CALD1: variants seen among roughly 807,000 people sequenced by gnomAD.
The protein encoded by CALD1 is caldesmon.
In CALD1, 33 loss-of-function variants were observed where a neutral mutation model predicts 99.9. The observed-to-expected ratio is 0.33, with a 90% CI of 0.25 to 0.44. The LOEUF is 0.44. Among genes scored for constraint, CALD1 ranks in the 20% least tolerant of loss-of-function variants. The probability of loss-of-function intolerance (pLI) is 1.00; values close to 1 mark genes in which losing one functional copy is unlikely to be tolerated. For missense variants in CALD1, 861 were observed against 962.1 expected (o/e 0.89, Z 1.39); for synonymous variants, 310 against 325.0 (o/e 0.95, Z 0.50).
At chr7:134,843,134 C>A (rs1411301456) in intron 1 of CALD1, among the ~76,000 whole-genome samples, 1 of 152,186 alleles carries the variant, frequency 6.6e-6, no homozygotes, top group Non-Finnish European at 1.5e-5. Flanking sequence ...TTCCTTACTA[C>A]CTCCGGTCTA....
At chr7:134,815,902 A>G (rs569585614) in intron 1 of CALD1, among the ~76,000 whole-genome samples, 2 of 152,294 alleles carry the variant, frequency 1.3e-5, no homozygotes, top group South Asian at 4.1e-4. Context: ...CTATCCTCGA[A>G]CTGGCATATA....
intron 3 of CALD1, among the ~76,000 whole-genome samples, chr7:134,876,385 A>G (rs768893818): frequency 3.3e-5 from 5 of 152,244 alleles, no homozygotes; most frequent in Non-Finnish European, 2.9e-5. Context: ...AAAAAAGTCT[A>G]TGGCTATTGA....
At chr7:134,727,655 C>T in the CALD1 span, among the ~76,000 whole-genome samples, 5 of 152,288 alleles carry the variant, frequency 3.3e-5, no homozygotes, top group African/African-American at 7.2e-5. Flanking sequence ...TAAAGCAGAG[C>T]GGACTTCCTT....
chr7:134,775,141 A>T (rs1220617599), upstream of CALD1, among the ~76,000 whole-genome samples: 1 of 152,150 alleles, frequency 6.6e-6, no homozygotes, highest in African/African-American at 2.4e-5. Context: ...GCTTCCACAA[A>T]ATTGATTGTA....
At chr7:134,834,003 T>C (rs1209234407) in intron 1 of CALD1, among the ~76,000 whole-genome samples, 2 of 152,228 alleles carry the variant, frequency 1.3e-5, no homozygotes, top group East Asian at 1.9e-4. Flanking sequence ...TAGAATCCAG[T>C]TGAATGAATA....
intron 1 of CALD1, among the ~76,000 whole-genome samples, chr7:134,760,126 C>T (rs1487105882): frequency 6.6e-6 from 1 of 152,066 alleles, no homozygotes; most frequent in Non-Finnish European, 1.5e-5. Context: ...CTGGCTAGAG[C>T]AAAGGGAGAG....
Position 134,950,267 on chromosome 7 carries a change from C to T in CALD1, c.1795-107C>T, listed in dbSNP as rs554008807. 47 of 1,064,688 alleles carry T rather than the reference C, an allele frequency of 4.4e-5. No individual in the cohort carries two copies. The East Asian group carries it at 6.6e-4, about 15-fold the overall frequency. 66.0% of individuals were successfully genotyped at this position (1,064,688 alleles called of 1,614,324 possible). On this transcript the variant is annotated intron_variant, in intron 8 of 14. Transcript: ENST00000361675. ...ACCTAGAAGGGGAGTGTCCAGCCTG[C>T]GGCCTGAGTCTGCTGCCTCTCCAAC... is the stretch of plus-strand genomic sequence containing the variant.
At chr7:134,833,618 G>A (rs1377287601) in intron 1 of CALD1, among the ~76,000 whole-genome samples, 5 of 152,208 alleles carry the variant, frequency 3.3e-5, no homozygotes, top group Non-Finnish European at 7.3e-5. Flanking sequence ...AAAAAATTGA[G>A]CTTCTGGAGA....
At chr7:134,795,274 T>G (rs1563006873) in intron 1 of CALD1, among the ~76,000 whole-genome samples, 1 of 152,164 alleles carries the variant, frequency 6.6e-6, no homozygotes, top group African/African-American at 2.4e-5. Context: ...AATTGAATCA[T>G]GGGGATGGGT....
At chr7:134,751,930 C>T (rs190071193) in intron 1 of CALD1, among the ~76,000 whole-genome samples, 25 of 152,146 alleles carry the variant, frequency 1.6e-4, no homozygotes, top group Admixed American at 1.3e-3. Context: ...GAGCCGAGAT[C>T]GTGCCACTGC....
At chr7:134,738,243 G>A in the CALD1 span, among the ~76,000 whole-genome samples, 30 of 152,164 alleles carry the variant, frequency 2.0e-4, no homozygotes, top group Non-Finnish European at 5.9e-5. Context: ...CAGTTCACAC[G>A]CTAACTTGCT....
intron 5 of CALD1, 120 bp from the exon 6 acceptor site, chr7:134,935,568 C>T (rs762929767): frequency 1.1e-4 from 167 of 1,473,650 alleles, no homozygotes; most frequent in Non-Finnish European, 1.4e-4. Flanking sequence ...AGCGCTGAGA[C>T]GGCAGAAGAG....
the CALD1 span, among the ~76,000 whole-genome samples, chr7:134,724,956 A>G: frequency 1.3e-5 from 2 of 152,202 alleles, no homozygotes; most frequent in Non-Finnish European, 2.9e-5. Flanking sequence ...TGGCTTCTGC[A>G]TCCTTCTCTT....
At chr7:134,934,680 G>C (rs1306004169) in intron 5 of CALD1, among the ~76,000 whole-genome samples, 1 of 152,024 alleles carries the variant, frequency 6.6e-6, no homozygotes, top group South Asian at 2.1e-4. Flanking sequence ...TCAGGAGATC[G>C]AGACCATCCT....
chr7:134,965,980 C>T (rs1439065903), intron 14 of CALD1, among the ~76,000 whole-genome samples: 1 of 152,104 alleles, frequency 6.6e-6, no homozygotes, highest in Non-Finnish European at 1.5e-5. Flanking sequence ...CTCTGAAGAA[C>T]ATCTAAATGA....
At chr7:134,753,013 A>G (rs1347484367) in intron 1 of CALD1, among the ~76,000 whole-genome samples, 2 of 89,282 alleles carry the variant, frequency 2.2e-5, no homozygotes, top group African/African-American at 7.8e-5. Flanking sequence ...CTGTATCGAA[A>G]AAAAAAAAAC....
intron 1 of CALD1, among the ~76,000 whole-genome samples, chr7:134,796,754 T>G (rs1222005205): frequency 6.6e-6 from 1 of 151,984 alleles, no homozygotes; most frequent in Non-Finnish European, 1.5e-5. Flanking sequence ...GCCAGGCTAA[T>G]TTTGTATTTT....
At chr7:134,818,054 G>A (rs577712385) in intron 1 of CALD1, among the ~76,000 whole-genome samples, 1 of 152,068 alleles carries the variant, frequency 6.6e-6, no homozygotes, top group South Asian at 2.1e-4. Context: ...TATATGCACA[G>A]ATAGCATTCC....
Position 134,959,678 on chromosome 7 carries a change from A to C in CALD1, c.2062-296A>C, listed in dbSNP as rs919237893. Among the ~76,000 whole-genome samples, 25 of 152,160 alleles carry C rather than the reference A, an allele frequency of 1.6e-4. 1 individual carries two copies. The highest frequency in any genetic ancestry group is 1.6e-3 in the Admixed American group (24 of 15,274). The stretch of plus-strand genomic sequence containing the variant: ...GAGCAAGACCCTGTCTCAAAAAAAA[A>C]CAAAAAAGTATCTGTTGAAGAAACG... On this transcript the variant is annotated intron_variant, in intron 11 of 14. Coordinates refer to ENST00000361675, the MANE Select transcript of CALD1 (RefSeq NM_033138.4).
Sources: gnomAD v4.1 joint callset for allele counts (sites outside exome capture counted in the v4.1 genomes callset) on GRCh38, gnomAD v4.1.1 for gene constraint, MANE v1.5 for transcripts, NCBI Gene and HGNC (gene_info 2026-07-23, HGNC 2026-07-21) for gene names.